ANKRD28: variants seen among roughly 807,000 people sequenced by gnomAD.
ANKRD28 encodes the protein serine/threonine-protein phosphatase 6 regulatory ankyrin repeat subunit A.
ANKRD28 carries 44 observed loss-of-function variants against 126.5 expected under a neutral mutation model. That is an observed-to-expected ratio of 0.35 (90% confidence interval 0.27 to 0.45). The LOEUF (loss-of-function observed/expected upper bound fraction) is 0.45, where lower values mean the gene tolerates loss of function less well. Ranked by LOEUF, ANKRD28 falls within the 20% of genes least tolerant of loss-of-function variation. ANKRD28 has a pLI of 1.00. For synonymous variants in ANKRD28, 442 were observed against 468.5 expected, an observed-to-expected ratio of 0.94 and a Z score of 0.73; for missense variants, 1,110 against 1,316.6, an observed-to-expected ratio of 0.84 and a Z score of 2.43.
chr3:15,699,619 T>C (rs1390031683), intron 14 of ANKRD28, among the ~76,000 whole-genome samples: 6 of 152,062 alleles, frequency 3.9e-5, no homozygotes, highest in African/African-American at 7.2e-5. Context: ...ATGCAGCCAA[T>C]AGACATACAA....
intron 2 of ANKRD28, among the ~76,000 whole-genome samples, chr3:15,777,893 CACACACACA>C (rs1368382699): frequency 6.6e-5 from 10 of 151,172 alleles, no homozygotes; most frequent in African/African-American, 2.2e-4. Flanking sequence ...CACACACACA[CACACACACA>C]CCCTCTCCGC....
At chr3:15,672,922 C>T (rs1158960033) in intron 27 of ANKRD28, among the ~76,000 whole-genome samples, 1 of 152,216 alleles carries the variant, frequency 6.6e-6, no homozygotes, top group Non-Finnish European at 1.5e-5. Context: ...ATTACAGGCA[C>T]ATGCCACCAC....
intron 7 of ANKRD28, among the ~76,000 whole-genome samples, chr3:15,721,958 T>G (rs1007679042): frequency 2.0e-5 from 3 of 152,214 alleles, no homozygotes; most frequent in Non-Finnish European, 2.9e-5. Context: ...TTGGCCAGGC[T>G]GGTCCTGAAC....
chr3:15,671,576 T>TA lies in ANKRD28; in HGVS notation c.2966-1021dup, dbSNP rs1485006179. Among the ~76,000 whole-genome samples, 43 of 150,182 alleles carry TA rather than the reference T, an allele frequency of 2.9e-4. 1 individual carries two copies. Among genetic ancestry groups the TA allele is most frequent in the Admixed American group, 2.2e-3 (34 of 15,114 alleles). ...TTTCAACTTGGAGTCATAAACACTA[T>TA]AGTTTTTTTTTTGTTTTTTTTTTTT... On this transcript the variant is annotated intron_variant, in intron 27 of 27. Coordinates refer to ENST00000683139, the MANE Select transcript of ANKRD28 (RefSeq NM_001349278.2).
chr3:15,840,061 G>A lies in ANKRD28; in HGVS notation c.27+19316C>T, dbSNP rs1359896573. Among the ~76,000 whole-genome samples, 7 of 152,216 alleles carry A rather than the reference G, an allele frequency of 4.6e-5. No homozygotes were observed. The East Asian group carries it at 1.4e-3, about 29-fold the overall frequency. ...TGGAAGTCCTAGAGAAATCAGACAA[G>A]AGAAAGAAATAAAGAGCATCCAAAC... On this transcript the variant is annotated intron_variant, in intron 1 of 27. Transcript: ENST00000399451.
At chr3:15,694,405 C>T (rs1375252462) in intron 17 of ANKRD28, among the ~76,000 whole-genome samples, 1 of 152,100 alleles carries the variant, frequency 6.6e-6, no homozygotes, top group Non-Finnish European at 1.5e-5. Flanking sequence ...ACTTATAAGG[C>T]ATTCCACTAG....
chr3:15,814,346 C>G lies in ANKRD28; in HGVS notation c.28-19040G>C, dbSNP rs932823245. ...AACAGATATCAAAAGAAAGAATACG[C>G]TGATCCTAGAAATTAAGGGCTATGT... is the stretch of plus-strand genomic sequence containing the variant. On this transcript the variant is annotated intron_variant, in intron 1 of 27. Transcript: ENST00000399451. This position sits in a 1 kb window ranked among gnomAD's most constrained non-coding sequence, Gnocchi z 4.7. 2 of 1,168,408 alleles carry G rather than the reference C, an allele frequency of 1.7e-6. No homozygotes were observed. Among genetic ancestry groups the G allele is most frequent in the Non-Finnish European group, 2.2e-6 (2 of 897,154 alleles). 72.4% of individuals were successfully genotyped at this position (1,168,408 alleles called of 1,614,324 possible).
At position 15,677,462 on chromosome 3, in the gene ANKRD28, C is replaced by G. The variant is rs2067063605; in HGVS notation, c.2790+18G>C. On this transcript the variant is annotated intron_variant, in intron 25 of 27. Transcript: ENST00000683139. Reference sequence around the variant, plus strand: ...TTAATATTAACAATGGAAACATATTCTTAAGATGTATACATACCTTGCTAC... The same window carrying G: ...TTAATATTAACAATGGAAACATATTGTTAAGATGTATACATACCTTGCTAC... The G allele has an allele frequency of 6.4e-7, 1 of 1,568,864 alleles. No homozygotes were observed. The highest frequency in any genetic ancestry group is 1.4e-5 in the African/African-American group (1 of 70,898).
intron 1 of ANKRD28, among the ~76,000 whole-genome samples, chr3:15,825,931 C>T (rs564130748): frequency 6.6e-6 from 1 of 152,074 alleles, no homozygotes; most frequent in Non-Finnish European, 1.5e-5. Context: ...GAAAGTCAAA[C>T]TAAAATAATT....
chr3:15,858,930 A>G (rs2061834364), intron 1 of ANKRD28, among the ~76,000 whole-genome samples: 1 of 152,234 alleles, frequency 6.6e-6, no homozygotes, highest in Non-Finnish European at 1.5e-5. Flanking sequence ...AGAGGAATCA[A>G]TTGCCTTTAA....
In ANKRD28 at chr3:15,817,841, T is replaced by C. The variant is rs1272482973; in HGVS notation, c.28-22535A>G. ...TTTGGAAGGGAAGAAATAAAAGTGCTTGCATTCACAGACAACATGATTGTC... is the reference window on the plus strand; with the variant it reads ...TTTGGAAGGGAAGAAATAAAAGTGCCTGCATTCACAGACAACATGATTGTC... On this transcript the variant is annotated intron_variant, in intron 1 of 27. Transcript: ENST00000399451. This position sits in a 1 kb window ranked among gnomAD's most constrained non-coding sequence, Gnocchi z 4.5. Among the ~76,000 whole-genome samples, 7 of 152,140 alleles carry C rather than the reference T, an allele frequency of 4.6e-5. No homozygotes were observed. Among genetic ancestry groups the C allele is most frequent in the Non-Finnish European group, 1.0e-4 (7 of 68,012 alleles).
chr3:15,814,302 T>A lies in ANKRD28; in HGVS notation c.28-18996A>T. The stretch of plus-strand genomic sequence containing the variant: ...GGCAGTTGTACTGTTTCAATTCCAA[T>A]CACAGGCCTGTAGCAGAAAACAGAT... On this transcript the variant is annotated intron_variant, in intron 1 of 27. Transcript: ENST00000399451. This position sits in a 1 kb window ranked among gnomAD's most constrained non-coding sequence, Gnocchi z 4.7. 1 of 1,277,094 alleles carries A rather than the reference T, an allele frequency of 7.8e-7. No individual in the cohort carries two copies. The highest frequency in any genetic ancestry group is 1.0e-6 in the Non-Finnish European group (1 of 984,290). The allele number at this position is 1,277,094 out of a possible 1,614,324, so 79.1% of individuals were successfully genotyped here.
rs138336618 is a variant in ANKRD28 at position 15,740,831 on chromosome 3, C to T, written c.352-3598G>A. ...CACCTAAATAAGACAATAAACATAGCAATTAAGACACTAGAGTATCAAGAC... is the reference window on the plus strand; with the variant it reads ...CACCTAAATAAGACAATAAACATAGTAATTAAGACACTAGAGTATCAAGAC... On this transcript the variant is annotated intron_variant, in intron 4 of 27. Transcript: ENST00000683139. Among the ~76,000 whole-genome samples the T allele has an allele frequency of 1.9e-4, 29 of 152,120 alleles. No individual in the cohort carries two copies. In the East Asian group the frequency reaches 3.7e-3, roughly 19 times the overall value.
At chr3:15,697,922 T>C (rs1033039130) in intron 14 of ANKRD28, among the ~76,000 whole-genome samples, 1 of 152,186 alleles carries the variant, frequency 6.6e-6, no homozygotes, top group Non-Finnish European at 1.5e-5. Context: ...CTGTTATTTG[T>C]CTATTCAGAG....
In ANKRD28 at chr3:15,839,039, A is replaced by G. The variant is rs2061380438; in HGVS notation, c.27+20338T>C. ...TCACGTATCATATGACTCCACTTAT[A>G]TAAAATGTCCATAAAAGTTTATAAA... On this transcript the variant is annotated intron_variant, in intron 1 of 27. Coordinates refer to the ANKRD28 transcript ENST00000399451. The surrounding 1 kb of genome is among the most constrained non-coding windows in gnomAD (Gnocchi z 4.3). 6.6e-6 allele frequency among the ~76,000 whole-genome samples: 1 copy of G among 152,234 alleles called. No individual in the cohort carries two copies. Among genetic ancestry groups the G allele is most frequent in the African/African-American group, 2.4e-5 (1 of 41,462 alleles).
intron 24 of ANKRD28, 133 bp downstream of exon 24, chr3:15,678,076 T>C: frequency 1.1e-6 from 1 of 885,014 alleles, no homozygotes; most frequent in Non-Finnish European, 1.6e-6. Flanking sequence ...AAAATGTGGA[T>C]TGCAAACAGG....
intron 12 of ANKRD28, among the ~76,000 whole-genome samples, chr3:15,710,142 C>T (rs191637386): frequency 6.6e-6 from 1 of 152,136 alleles, no homozygotes; most frequent in East Asian, 1.9e-4. Context: ...ATAAGCGATC[C>T]TCCAAGTCTC....
chr3:15,859,562 GCGCCGCCTCCCCGGCCGCCCGCCGCCGC>G, exon 1 of ANKRD28: 1 of 414,478 alleles, frequency 2.4e-6, no homozygotes, highest in Non-Finnish European at 3.5e-6. Flanking sequence ...GCAGGGGGCG[GCGCCGCCTCCCCGGCCGCCCGCCGCCGC>G]CGCCGCCGCC....
intron 1 of ANKRD28, among the ~76,000 whole-genome samples, chr3:15,852,279 A>T (rs1344086044): frequency 6.6e-6 from 1 of 152,232 alleles, no homozygotes; most frequent in Non-Finnish European, 1.5e-5. Context: ...CTGCCTCTCT[A>T]TACTAATTTA....
Sources: gnomAD v4.1 joint callset for allele counts (sites outside exome capture counted in the v4.1 genomes callset) on GRCh38, gnomAD v4.1.1 for gene constraint, Gnocchi (gnomAD v3.1) non-coding constraint, MANE v1.5 for transcripts, NCBI Gene and HGNC (gene_info 2026-07-23, HGNC 2026-07-21) for gene names.